MARCHF4: variants seen among roughly 807,000 people sequenced by gnomAD.
MARCHF4 encodes membrane associated ring-CH-type finger 4.
A neutral mutation model predicts 43.9 loss-of-function variants in MARCHF4; 14 were observed. The observed-to-expected ratio is 0.32, with a 90% CI of 0.21 to 0.50. The LOEUF is 0.50. Among genes scored for constraint, MARCHF4 ranks in the 20% least tolerant of loss-of-function variants. The pLI is 0.98. For missense variants in MARCHF4, 468 were observed against 536.7 expected (o/e 0.87, Z 1.27); for synonymous variants, 226 against 213.3 (o/e 1.06, Z -0.52).
chr2:216,276,794 C>T (rs1019559469), intron 3 of MARCHF4, among the ~76,000 whole-genome samples: 1 of 152,116 alleles, frequency 6.6e-6, no homozygotes, highest in Non-Finnish European at 1.5e-5. Flanking sequence ...CCAGCGCTTC[C>T]CCACCTCCTT....
intron 3 of MARCHF4, among the ~76,000 whole-genome samples, chr2:216,267,733 C>G (rs1032165401): frequency 6.6e-6 from 1 of 152,194 alleles, no homozygotes; most frequent in Non-Finnish European, 1.5e-5. Flanking sequence ...CAAATTGGGG[C>G]TATTTCTAGT....
chr2:216,324,104 T>C (rs1301382914), intron 1 of MARCHF4, among the ~76,000 whole-genome samples: 3 of 147,866 alleles, frequency 2.0e-5, no homozygotes, highest in South Asian at 2.2e-4. Flanking sequence ...AAGAATCAAA[T>C]AGACGCAATA....
intron 1 of MARCHF4, among the ~76,000 whole-genome samples, chr2:216,360,716 T>C (rs1241176618): frequency 6.6e-6 from 1 of 152,198 alleles, no homozygotes; most frequent in Non-Finnish European, 1.5e-5. Flanking sequence ...ACCCTTAGAA[T>C]GTACGATATC....
At chr2:216,328,326 T>A (rs910326993) in intron 1 of MARCHF4, among the ~76,000 whole-genome samples, 3 of 152,206 alleles carry the variant, frequency 2.0e-5, no homozygotes, top group Non-Finnish European at 1.5e-5. Flanking sequence ...TGCACCACCA[T>A]GCCCGGCTAA....
intron 1 of MARCHF4, among the ~76,000 whole-genome samples, chr2:216,313,857 G>A (rs1411177983): frequency 6.6e-6 from 1 of 152,142 alleles, no homozygotes; most frequent in Non-Finnish European, 1.5e-5. Flanking sequence ...CATTAATTAA[G>A]GATCCACTCT....
chr2:216,354,976 T>C (rs1356201916), intron 1 of MARCHF4, among the ~76,000 whole-genome samples: 2 of 136,142 alleles, frequency 1.5e-5, no homozygotes, highest in Non-Finnish European at 1.5e-5. Flanking sequence ...TCTTTCTTTC[T>C]TTCTTTCTTT....
At chr2:216,359,682 T>C (rs1692548226) in intron 1 of MARCHF4, among the ~76,000 whole-genome samples, 1 of 152,234 alleles carries the variant, frequency 6.6e-6, no homozygotes, top group South Asian at 2.1e-4. Flanking sequence ...AAATGAGTTA[T>C]GCAGACCTCC....
intron 1 of MARCHF4, among the ~76,000 whole-genome samples, chr2:216,333,802 C>G (rs1167782647): frequency 2.0e-5 from 3 of 152,170 alleles, no homozygotes; most frequent in Non-Finnish European, 4.4e-5. Flanking sequence ...AGAGACCCGT[C>G]CCTAGGACAC....
At chr2:216,318,929 T>G (rs1447614253) in intron 1 of MARCHF4, among the ~76,000 whole-genome samples, 1 of 152,116 alleles carries the variant, frequency 6.6e-6, no homozygotes, top group Non-Finnish European at 1.5e-5. Flanking sequence ...GAGGTAGGAT[T>G]ATGGATTTTC....
intron 3 of MARCHF4, among the ~76,000 whole-genome samples, chr2:216,277,419 A>G (rs1691043232): frequency 6.6e-6 from 1 of 152,186 alleles, no homozygotes; most frequent in Non-Finnish European, 1.5e-5. Context: ...TCCTAGAGGC[A>G]GGCCTCATCT....
intron 1 of MARCHF4, among the ~76,000 whole-genome samples, chr2:216,352,682 C>T (rs953661856): frequency 3.3e-5 from 5 of 152,136 alleles, no homozygotes; most frequent in African/African-American, 1.2e-4. Flanking sequence ...AAAAGCTCCT[C>T]CTTCGACCTG....
chr2:216,372,113 G>T lies in MARCHF4; in HGVS notation c.-1853C>A, dbSNP rs1205456897. 1.3e-5 allele frequency: 2 copies of T among 152,378 alleles called. No homozygotes were observed. Among genetic ancestry groups the T allele is most frequent in the African/African-American group, 4.8e-5 (2 of 41,464 alleles). The allele number at this position is 152,378 out of a possible 1,614,324, so 9.4% of individuals were successfully genotyped here. A position where few individuals can be genotyped will look rare whatever the true frequency, so the allele number is the denominator to read the frequency against. ...TATCTCTTATAAAAGCCGAGAGGAA[G>T]CAAATCAGATTCCAGGCTGCTGCCA... is the stretch of plus-strand genomic sequence containing the variant. On this transcript the variant is annotated 5_prime_UTR_variant, in exon 1 of 4. Transcript: ENST00000273067.
chr2:216,289,461 C>A (rs1691273644), intron 1 of MARCHF4, among the ~76,000 whole-genome samples: 1 of 152,124 alleles, frequency 6.6e-6, no homozygotes, highest in Non-Finnish European at 1.5e-5. Context: ...AGGGTCTGTC[C>A]CAACTAGAAA....
intron 1 of MARCHF4, among the ~76,000 whole-genome samples, chr2:216,317,293 A>G (rs1222543689): frequency 6.6e-6 from 1 of 152,218 alleles, no homozygotes; most frequent in Non-Finnish European, 1.5e-5. Flanking sequence ...AGCTTTTATC[A>G]TATCTTGTCA....
intron 2 of MARCHF4, among the ~76,000 whole-genome samples, chr2:216,281,841 T>C (rs1381258235): frequency 1.3e-5 from 2 of 152,204 alleles, no homozygotes; most frequent in African/African-American, 4.8e-5. Context: ...TGGATCCTTA[T>C]AGATCCATAT....
At chr2:216,287,089 G>C (rs565904430) in intron 1 of MARCHF4, among the ~76,000 whole-genome samples, 3 of 152,152 alleles carry the variant, frequency 2.0e-5, no homozygotes, top group African/African-American at 4.8e-5. Flanking sequence ...ACCTGCACCT[G>C]TGCCTGTAAG....
At chr2:216,289,233 A>ACT (rs1691266835) in intron 1 of MARCHF4, among the ~76,000 whole-genome samples, 1 of 102,602 alleles carries the variant, frequency 9.7e-6, no homozygotes, top group African/African-American at 3.8e-5. Flanking sequence ...TTTCTTCCCC[A>ACT]CCCGCCCCCC....
intron 1 of MARCHF4, among the ~76,000 whole-genome samples, chr2:216,363,697 A>G (rs1386967666): frequency 6.6e-6 from 1 of 152,076 alleles, no homozygotes; most frequent in Non-Finnish European, 1.5e-5. Flanking sequence ...TCTGTTGCCT[A>G]TTGGCCATGA....
At chr2:216,305,492 G>T (rs555686618) in intron 1 of MARCHF4, among the ~76,000 whole-genome samples, 1 of 152,048 alleles carries the variant, frequency 6.6e-6, no homozygotes, top group Non-Finnish European at 1.5e-5. Context: ...CGGCTCTAAC[G>T]CTAAGACAAA....
Sources: gnomAD v4.1 joint callset for allele counts (sites outside exome capture counted in the v4.1 genomes callset) on GRCh38, gnomAD v4.1.1 for gene constraint, MANE v1.5 for transcripts, NCBI Gene and HGNC (gene_info 2026-07-23, HGNC 2026-07-21) for gene names.